KLF8: variants seen among roughly 807,000 people sequenced by gnomAD.
The protein encoded by KLF8 is KLF transcription factor 8.
A neutral mutation model predicts 18.2 loss-of-function variants in KLF8; 10 were observed. The observed-to-expected ratio is 0.55, with a 90% CI of 0.34 to 0.93. KLF8 has a LOEUF of 0.93. Ranked by LOEUF, KLF8 falls within the 40% of genes least tolerant of loss-of-function variation. KLF8 has a pLI of 0.02. For missense variants in KLF8, 264 were observed against 277.9 expected (o/e 0.95, Z 0.36); for synonymous variants, 109 against 97.3 (o/e 1.12, Z -0.71).
chrX:56,271,337 G>A (rs1194723297), intron 5 of KLF8, among the ~76,000 whole-genome samples: 2 of 110,666 alleles, frequency 1.8e-5, no homozygotes, highest in Admixed American at 1.9e-4. Context: ...CCTTGATTTT[G>A]AATGTTGGCT....
the KLF8 span, among the ~76,000 whole-genome samples, chrX:56,212,485 C>A: frequency 8.9e-6 from 1 of 112,104 alleles, no homozygotes; most frequent in Non-Finnish European, 1.9e-5. Flanking sequence ...TGTGGGAACT[C>A]ATGTTTGAAC....
At chrX:56,221,958 G>C in the KLF8 span, among the ~76,000 whole-genome samples, 1 of 111,356 alleles carries the variant, frequency 9.0e-6, no homozygotes, top group East Asian at 2.8e-4. Flanking sequence ...ACAGGGAGCC[G>C]ATTGGTCCGT....
At chrX:56,130,593 T>A in the KLF8 span, among the ~76,000 whole-genome samples, 1 of 111,002 alleles carries the variant, frequency 9.0e-6, no homozygotes, top group Non-Finnish European at 1.9e-5. Context: ...AAAACCAGGT[T>A]CTTTAACACC....
At chrX:56,069,448 G>C in the KLF8 span, among the ~76,000 whole-genome samples, 1 of 111,090 alleles carries the variant, frequency 9.0e-6, no homozygotes, top group African/African-American at 3.3e-5. Context: ...AGAGCTTCTG[G>C]CCCAGTAAGC....
the KLF8 span, among the ~76,000 whole-genome samples, chrX:55,992,224 A>G: frequency 3.6e-5 from 4 of 112,253 alleles, no homozygotes; most frequent in Non-Finnish European, 1.9e-5. Context: ...GAGTTTTTAT[A>G]GTTTTAGGTT....
intron 1 of KLF8, among the ~76,000 whole-genome samples, chrX:56,236,966 TA>T (rs2066483292): frequency 1.9e-5 from 2 of 105,037 alleles, no homozygotes; most frequent in South Asian, 8.5e-4. Context: ...TAGATGGATA[TA>T]TATATATATA....
chrX:55,985,805 C>T, the KLF8 span, among the ~76,000 whole-genome samples: 1 of 110,414 alleles, frequency 9.1e-6, no homozygotes, highest in Admixed American at 9.7e-5. Flanking sequence ...CTCTGATTTC[C>T]TTGAGCAGTG....
chrX:56,121,185 C>CAAAA, the KLF8 span, among the ~76,000 whole-genome samples: 2 of 40,835 alleles, frequency 4.9e-5, no homozygotes, highest in African/African-American at 7.2e-5. Context: ...GACTCCGTCT[C>CAAAA]AAAAAAAAAA....
chrX:56,291,018 A>T lies in KLF8; in HGVS notation c.*6524A>T. Among the ~76,000 whole-genome samples the T allele has an allele frequency of 9.0e-6, 1 of 111,285 alleles. No homozygotes were observed. On this transcript the variant is annotated 3_prime_UTR_variant, in exon 6 of 6. Coordinates refer to ENST00000468660, the MANE Select transcript of KLF8 (RefSeq NM_007250.5). Reference sequence around the variant, plus strand: ...GCTGTTTTCATTGTATCACAGAATTAAAAGGGGAAGAGAGTTCCTAGTGGT... The same window carrying T: ...GCTGTTTTCATTGTATCACAGAATTTAAAGGGGAAGAGAGTTCCTAGTGGT...
the KLF8 span, among the ~76,000 whole-genome samples, chrX:56,118,474 G>A: frequency 1.8e-5 from 2 of 110,688 alleles, no homozygotes; most frequent in Admixed American, 9.6e-5. Flanking sequence ...TTTATGTATC[G>A]ATTTCTAAGG....
At chrX:56,190,398 CTT>C in the KLF8 span, among the ~76,000 whole-genome samples, 2 of 111,601 alleles carry the variant, frequency 1.8e-5, no homozygotes, top group African/African-American at 6.5e-5. Flanking sequence ...TCCTGTACCC[CTT>C]TTTCAGTATT....
chrX:56,176,157 G>A, the KLF8 span, among the ~76,000 whole-genome samples: 2 of 111,805 alleles, frequency 1.8e-5, no homozygotes, highest in South Asian at 7.4e-4. Context: ...GATGTTAGCT[G>A]GTTATTTTGC....
the KLF8 span, among the ~76,000 whole-genome samples, chrX:56,113,554 GTT>G: frequency 1.9e-3 from 67 of 34,652 alleles, no homozygotes; most frequent in Admixed American, 5.5e-3. Context: ...GGCAGGGATA[GTT>G]TTTTTTTTTT....
chrX:56,175,506 T>C, the KLF8 span, among the ~76,000 whole-genome samples: 3 of 111,785 alleles, frequency 2.7e-5, no homozygotes, highest in Non-Finnish European at 3.8e-5. Flanking sequence ...TGAGGAGTGC[T>C]TTACTTCCAA....
the KLF8 span, among the ~76,000 whole-genome samples, chrX:55,949,755 C>T: frequency 9.3e-6 from 1 of 107,687 alleles, no homozygotes; most frequent in Non-Finnish European, 1.9e-5. Context: ...TGCGCCACTG[C>T]ACTCCAGTCT....
At chrX:56,117,744 T>A in the KLF8 span, among the ~76,000 whole-genome samples, 4 of 112,402 alleles carry the variant, frequency 3.6e-5, no homozygotes, top group African/African-American at 1.3e-4. Context: ...TTTAACTGTT[T>A]AATCTAATCC....
the KLF8 span, among the ~76,000 whole-genome samples, chrX:56,147,034 T>G: frequency 8.9e-6 from 1 of 111,776 alleles, no homozygotes; most frequent in African/African-American, 3.3e-5. Flanking sequence ...TGATCAAGAT[T>G]CCATTTTAGG....
chrX:55,953,098 G>A, the KLF8 span, among the ~76,000 whole-genome samples: 20 of 111,389 alleles, frequency 1.8e-4, 1 homozygote, highest in African/African-American at 6.5e-4. Context: ...CCATAGATAA[G>A]GTAGTTGTTC....
At chrX:55,970,676 C>T in the KLF8 span, among the ~76,000 whole-genome samples, 1 of 110,823 alleles carries the variant, frequency 9.0e-6, no homozygotes, top group Non-Finnish European at 1.9e-5. Context: ...CTAAAGACAC[C>T]ACGAAAAAAC....
Sources: allele counts gnomAD v4.1 joint callset (sites outside exome capture counted in the v4.1 genomes callset), GRCh38; gene constraint gnomAD v4.1.1; transcripts MANE v1.5; gene names NCBI Gene and HGNC (gene_info 2026-07-23, HGNC 2026-07-21).